KNTC1: variants seen among roughly 807,000 people sequenced by gnomAD.
The protein encoded by KNTC1 is kinetochore-associated protein 1.
KNTC1 carries 253 observed loss-of-function variants against 314.4 expected under a neutral mutation model. That is an observed-to-expected ratio of 0.80 (90% CI 0.73 to 0.89). The LOEUF (loss-of-function observed/expected upper bound fraction) is 0.89, where lower values mean the gene tolerates loss of function less well. KNTC1 is among the 40% of genes least tolerant of loss of function. The probability of loss-of-function intolerance (pLI) is 0.00; values close to 1 mark genes in which losing one functional copy is unlikely to be tolerated. For missense variants in KNTC1, 2,475 were observed against 2,572.9 expected, an observed-to-expected ratio of 0.96 and a Z score of 0.82; for synonymous variants, 901 against 901.4, an observed-to-expected ratio of 1.00 and a Z score of 0.01.
chr12:122,559,302 C>A (rs760000274), intron 18 of KNTC1, among the ~76,000 whole-genome samples: 1 of 151,954 alleles, frequency 6.6e-6, no homozygotes, highest in South Asian at 2.1e-4. Context: ...GAGCTGAGAT[C>A]GCGCTTCCAG....
Position 122,612,420 on chromosome 12 carries a change from C to CT in KNTC1, c.5623-678dup, listed in dbSNP as rs754162815. Among the ~76,000 whole-genome samples, 135 of 88,704 alleles carry CT rather than the reference C, an allele frequency of 1.5e-3. 1 individual carries two copies. Among genetic ancestry groups the CT allele is most frequent in the East Asian group, 0.014 (39 of 2,710 alleles). 58.2% of individuals were successfully genotyped at this position (88,704 alleles called of 152,430 possible). A position where few individuals can be genotyped will look rare whatever the true frequency, so the allele number is the denominator to read the frequency against. The stretch of plus-strand genomic sequence containing the variant: ...TGGTTTTCTTTTTCTTTTTCTTTTT[C>CT]TTTTTTTTTTTTTTGAGAGAGAGTC... On this transcript the variant is annotated intron_variant, in intron 53 of 63. Transcript: ENST00000333479.
At chr12:122,578,812 ATTG>A in intron 31 of KNTC1, among the ~76,000 whole-genome samples, 1 of 152,320 alleles carries the variant, frequency 6.6e-6, no homozygotes, top group Middle Eastern at 3.4e-3. Flanking sequence ...AAATGAAGTT[ATTG>A]TTGTTTTTAA....
intron 20 of KNTC1, among the ~76,000 whole-genome samples, chr12:122,568,010 A>G (rs930973218): frequency 3.3e-4 from 51 of 152,294 alleles, no homozygotes; most frequent in African/African-American, 1.2e-3. Context: ...TTCTACGTGT[A>G]GTGATTATCT....
chr12:122,534,102 T>C (rs1056859052), intron 2 of KNTC1, among the ~76,000 whole-genome samples: 13 of 152,202 alleles, frequency 8.5e-5, no homozygotes, highest in Admixed American at 6.5e-4. Context: ...ATTTGGCTTG[T>C]CTACTGTTTT....
At chr12:122,545,925 A>G (rs992592367) in intron 8 of KNTC1, among the ~76,000 whole-genome samples, 10 of 150,780 alleles carry the variant, frequency 6.6e-5, no homozygotes, top group African/African-American at 2.0e-4. Flanking sequence ...CAGCCTGGGC[A>G]ATGGAGTGAG....
chr12:122,575,824 C>T lies in KNTC1; in HGVS notation c.2511C>T (p.Tyr837=), dbSNP rs1342873730. 6.2e-7 allele frequency: 1 copy of T among 1,612,830 alleles called. No individual in the cohort carries two copies. Among genetic ancestry groups the T allele is most frequent in the African/African-American group, 1.3e-5 (1 of 74,924 alleles). The change falls in exon 29 of 64, where the codon TAC becomes TAT. Residue 837 remains tyrosine, a synonymous_variant. Coordinates refer to ENST00000333479, the MANE Select transcript of KNTC1 (RefSeq NM_014708.6). The part of the protein sequence containing the change: ...HPKVKLLQES[Y]KLMEMKKLLR... ...GAGTCAAGTTATTACAGGAAAGTTA[C>T]AAACTAATGGAGATGAAAAAACTTT...
chr12:122,600,559 T>G (rs1297177728), intron 44 of KNTC1, among the ~76,000 whole-genome samples: 1 of 152,266 alleles, frequency 6.6e-6, no homozygotes, highest in Non-Finnish European at 1.5e-5. Flanking sequence ...TTTCTTTCTG[T>G]TCCAATTTTC....
Position 122,610,830 on chromosome 12 carries a change from A to G in KNTC1, c.5552A>G (p.Tyr1851Cys), listed in dbSNP as rs1482772863. ...QEDEALRRVQ[Y>C]LLLSRPIDYS... ...TAAAATTTTTTTTCCAGAGTGCAGT[A>G]TCTCCTCCTGTCTCGTCCAATTGAT... Residue 1851 changes from tyrosine (Y) to cysteine (C), a missense_variant, in exon 53 of 64, where the codon TAT becomes TGT. Coordinates refer to ENST00000333479, the MANE Select transcript of KNTC1 (RefSeq NM_014708.6). 2 of 1,611,772 alleles carry G rather than the reference A, an allele frequency of 1.2e-6. No individual in the cohort carries two copies. Among genetic ancestry groups the G allele is most frequent in the Non-Finnish European group, 1.7e-6 (2 of 1,178,234 alleles).
chr12:122,576,080 A>G (rs943510521), intron 29 of KNTC1, among the ~76,000 whole-genome samples, 181 bp downstream of exon 29: 1 of 152,092 alleles, frequency 6.6e-6, no homozygotes, highest in South Asian at 2.1e-4. Context: ...TCTTTTTGAC[A>G]TGGAGTTTCG....
chr12:122,622,691 G>A, intron 62 of KNTC1, 84 bp downstream of exon 62: 2 of 1,146,260 alleles, frequency 1.7e-6, no homozygotes, highest in Non-Finnish European at 2.4e-6. Context: ...GCTCACGACT[G>A]TAATCCTAGC....
chr12:122,541,287 G>GCCTGCCTGCCTGCCTGCCTGCCTT lies in KNTC1; in HGVS notation c.446-760_446-759insGCCTGCCTGCCTGCCTGCCTTCCT, dbSNP rs758235054. Among the ~76,000 whole-genome samples the GCCTGCCTGCCTGCCTGCCTGCCTT allele has an allele frequency of 3.6e-4, 44 of 120,978 alleles. 1 individual carries two copies. Among genetic ancestry groups the GCCTGCCTGCCTGCCTGCCTGCCTT allele is most frequent in the African/African-American group, 1.4e-3 (40 of 27,722 alleles). The allele number at this position is 120,978 out of a possible 152,430, so 79.4% of individuals were successfully genotyped here. On this transcript the variant is annotated intron_variant, in intron 5 of 63. Coordinates refer to ENST00000333479, the MANE Select transcript of KNTC1 (RefSeq NM_014708.6). ...TGCCTGCCTGCCTGCCTGCCTGCCTGCCTTCCTTCCTTCCTTCCTTCCTTC... is the reference window on the plus strand; with the variant it reads ...TGCCTGCCTGCCTGCCTGCCTGCCTGCCTGCCTGCCTGCCTGCCTGCCTTCCTTCCTTCCTTCCTTCCTTCCTTC...
intron 33 of KNTC1, among the ~76,000 whole-genome samples, chr12:122,581,445 C>T (rs1411609640): frequency 3.3e-5 from 5 of 152,054 alleles, no homozygotes; most frequent in Non-Finnish European, 7.4e-5. Context: ...GTGATCCGCC[C>T]ACCTCGGCCT....
chr12:122,602,472 A>G lies in KNTC1; in HGVS notation c.4654-97A>G. The stretch of plus-strand genomic sequence containing the variant: ...CTCTTTCTGAAAACAAGATGGTCTC[A>G]GGAATGGAAACTTTTGATGGTATAC... On this transcript the variant is annotated intron_variant, in intron 45 of 63. Coordinates refer to ENST00000333479, the MANE Select transcript of KNTC1 (RefSeq NM_014708.6). 2 of 705,100 alleles carry G rather than the reference A, an allele frequency of 2.8e-6. 1 individual carries two copies. Among genetic ancestry groups the G allele is most frequent in the South Asian group, 4.3e-5 (2 of 46,974 alleles). 43.7% of individuals were successfully genotyped at this position (705,100 alleles called of 1,614,324 possible).
At chr12:122,613,795 C>G in intron 55 of KNTC1, 34 bp downstream of exon 55, 1 of 1,547,814 alleles carries the variant, frequency 6.5e-7, no homozygotes, top group Non-Finnish European at 8.7e-7. Context: ...TCCCAATTCC[C>G]TGCCCCTACT....
At chr12:122,586,783 A>G (rs1479327470) in intron 38 of KNTC1, 26 bp downstream of exon 38, 7 of 911,666 alleles carry the variant, frequency 7.7e-6, no homozygotes, top group Non-Finnish European at 1.1e-5. Flanking sequence ...AATATATAGC[A>G]TTCTATTAAT....
chr12:122,609,134 C>T, intron 51 of KNTC1: 1 of 418,634 alleles, frequency 2.4e-6, no homozygotes, highest in Non-Finnish European at 4.2e-6. Flanking sequence ...GCTTTATTTA[C>T]TCAGGCAATC....
rs550695997 is a variant in KNTC1 at position 122,540,799 on chromosome 12, A to G, written c.445+1045A>G. Among the ~76,000 whole-genome samples the G allele has an allele frequency of 2.0e-4, 31 of 152,320 alleles. No homozygotes were observed. The South Asian group carries it at 5.2e-3, about 25-fold the overall frequency. ...ATAAAAGTTTCAAAAGAAGTTAACA[A>G]TGTTTTTGCAAATAACCTACTAGTT... On this transcript the variant is annotated intron_variant, in intron 5 of 63. Transcript: ENST00000333479.
chr12:122,577,623 C>T, intron 30 of KNTC1, 49 bp from the exon 31 acceptor site: 2 of 1,571,616 alleles, frequency 1.3e-6, no homozygotes, highest in Non-Finnish European at 1.7e-6. Flanking sequence ...GCCACACCGT[C>T]CTTTGCAAAT....
intron 2 of KNTC1, among the ~76,000 whole-genome samples, chr12:122,531,391 A>G (rs2137640386): frequency 6.6e-6 from 1 of 152,160 alleles, no homozygotes; most frequent in Non-Finnish European, 1.5e-5. Context: ...TATTTTTAGT[A>G]GAGATGGGGT....
Sources: allele counts gnomAD v4.1 joint callset (sites outside exome capture counted in the v4.1 genomes callset), GRCh38; gene constraint gnomAD v4.1.1; transcripts MANE v1.5; gene names NCBI Gene and HGNC (gene_info 2026-07-23, HGNC 2026-07-21).